The following SLC44A5 variants were observed in gnomAD, a reference collection of about 807,000 sequenced individuals.
SLC44A5 encodes choline transporter-like protein 5.
Under a neutral mutation model 101.8 loss-of-function variants are expected in SLC44A5, and 57 were observed. The observed-to-expected ratio is 0.56, with a 90% CI of 0.45 to 0.70. SLC44A5 has a LOEUF of 0.70. SLC44A5 is among the 30% of genes least tolerant of loss of function. The probability of loss-of-function intolerance (pLI) is 0.00; values close to 1 mark genes in which losing one functional copy is unlikely to be tolerated. For synonymous variants in SLC44A5, 281 were observed against 290.9 expected, an observed-to-expected ratio of 0.97 and a Z score of 0.35; for missense variants, 737 against 853.1, an observed-to-expected ratio of 0.86 and a Z score of 1.70.
chr1:75,671,470 T>A, the SLC44A5 span, among the ~76,000 whole-genome samples: 1 of 152,062 alleles, frequency 6.6e-6, no homozygotes, highest in Non-Finnish European at 1.5e-5. Flanking sequence ...AACCAGTAAG[T>A]AAAATTCATA....
At chr1:75,667,597 C>G in the SLC44A5 span, among the ~76,000 whole-genome samples, 1 of 151,886 alleles carries the variant, frequency 6.6e-6, no homozygotes, top group Non-Finnish European at 1.5e-5. Context: ...TCATATGGAA[C>G]CAGAAAACAA....
intron 2 of SLC44A5, among the ~76,000 whole-genome samples, chr1:75,530,974 G>A (rs1405109100): frequency 6.6e-6 from 1 of 152,164 alleles, no homozygotes; most frequent in East Asian, 1.9e-4. Context: ...GTTAGAAAGT[G>A]TAAGGTGCTT....
the SLC44A5 span, among the ~76,000 whole-genome samples, chr1:75,687,836 T>C: frequency 1.2e-4 from 18 of 152,302 alleles, no homozygotes; most frequent in East Asian, 7.7e-4. Context: ...CAAAGTCCTA[T>C]GGGCATTTGG....
At chr1:75,592,131 C>A (rs1297949336) in intron 1 of SLC44A5, among the ~76,000 whole-genome samples, 1 of 151,976 alleles carries the variant, frequency 6.6e-6, no homozygotes, top group Admixed American at 6.6e-5. Context: ...TTGGATAAAC[C>A]TAAAGACTCT....
chr1:75,376,556 C>T (rs1017240963), intron 3 of SLC44A5, among the ~76,000 whole-genome samples: 5 of 152,268 alleles, frequency 3.3e-5, no homozygotes, highest in Admixed American at 6.5e-5. Flanking sequence ...GGAGGCACCC[C>T]CCAGCAGGGG....
At chr1:75,450,126 G>A (rs533535048) in intron 2 of SLC44A5, among the ~76,000 whole-genome samples, 56 of 152,212 alleles carry the variant, frequency 3.7e-4, no homozygotes, top group African/African-American at 1.3e-3. Context: ...AGGTGAACAC[G>A]AGCAAACTTC....
chr1:75,406,747 A>G (rs1662897599), intron 2 of SLC44A5, among the ~76,000 whole-genome samples: 1 of 152,286 alleles, frequency 6.6e-6, no homozygotes, highest in African/African-American at 2.4e-5. Context: ...CCCACAGGCA[A>G]TATCATACTG....
the SLC44A5 span, among the ~76,000 whole-genome samples, chr1:75,684,824 C>T: frequency 6.6e-6 from 1 of 152,148 alleles, no homozygotes; most frequent in African/African-American, 2.4e-5. Context: ...ATTCCGGAGT[C>T]TGAAGGATGG....
chr1:75,229,934 G>A (rs912326020), intron 12 of SLC44A5, among the ~76,000 whole-genome samples: 1 of 152,112 alleles, frequency 6.6e-6, no homozygotes, highest in African/African-American at 2.4e-5. Flanking sequence ...AAAATTCTCA[G>A]CCAAGAGCTT....
chr1:75,272,335 T>C (rs1444084522), intron 6 of SLC44A5, among the ~76,000 whole-genome samples: 2 of 151,944 alleles, frequency 1.3e-5, no homozygotes, highest in African/African-American at 4.8e-5. Flanking sequence ...ATTTCTTTTT[T>C]TTTTTTTTAG....
At chr1:75,270,091 T>A (rs1651345160) in intron 6 of SLC44A5, among the ~76,000 whole-genome samples, 1 of 152,160 alleles carries the variant, frequency 6.6e-6, no homozygotes, top group African/African-American at 2.4e-5. Flanking sequence ...CGTGGAACTG[T>A]GAGTCCATTA....
chr1:75,271,004 CTT>C (rs1326507104), intron 6 of SLC44A5, among the ~76,000 whole-genome samples: 1 of 152,060 alleles, frequency 6.6e-6, no homozygotes, highest in East Asian at 1.9e-4. Flanking sequence ...TTGGTGCTCT[CTT>C]TGTCCTTCAC....
At chr1:75,677,682 G>A in the SLC44A5 span, 2 of 415,724 alleles carry the variant, frequency 4.8e-6, no homozygotes, top group South Asian at 3.4e-5. Context: ...AAAACGTAGA[G>A]TAACTAAATG....
rs527533998 is a variant in SLC44A5 at position 75,458,399 on chromosome 1, T to C, written c.14-61778A>G. 2.0e-5 allele frequency among the ~76,000 whole-genome samples: 3 copies of C among 152,288 alleles called. No individual in the cohort carries two copies. The South Asian group carries it at 6.2e-4, about 32-fold the overall frequency. On this transcript the variant is annotated intron_variant, in intron 2 of 23. Transcript: ENST00000370859. ...ATCTTGAGCTGTATCCTACAGATAA[T>C]ATAGAATTACTGAAGAGTTTCAATT... is the stretch of plus-strand genomic sequence containing the variant.
intron 2 of SLC44A5, among the ~76,000 whole-genome samples, chr1:75,420,463 C>T (rs1663934903): frequency 6.6e-6 from 1 of 152,114 alleles, no homozygotes; most frequent in Admixed American, 6.6e-5. Context: ...TGAAACCCAA[C>T]TCCACTGATA....
intron 2 of SLC44A5, among the ~76,000 whole-genome samples, chr1:75,500,153 A>G (rs1247780510): frequency 1.3e-5 from 2 of 152,198 alleles, no homozygotes; most frequent in Non-Finnish European, 2.9e-5. Context: ...TATTGCTATT[A>G]TGTGAGCCGG....
intron 2 of SLC44A5, among the ~76,000 whole-genome samples, chr1:75,491,171 G>A (rs567759244): frequency 1.3e-5 from 2 of 152,168 alleles, no homozygotes; most frequent in South Asian, 4.2e-4. Context: ...AGTCTCCTGG[G>A]GCTTCTGGGT....
At chr1:75,354,915 C>A (rs570594407) in intron 3 of SLC44A5, among the ~76,000 whole-genome samples, 90 of 152,236 alleles carry the variant, frequency 5.9e-4, no homozygotes, top group Non-Finnish European at 1.0e-3. Flanking sequence ...GATTCTGACA[C>A]CAATCCAAGG....
chr1:75,367,374 A>G (rs552222678), intron 3 of SLC44A5, among the ~76,000 whole-genome samples: 1 of 152,286 alleles, frequency 6.6e-6, no homozygotes, highest in South Asian at 2.1e-4. Context: ...TGTCTCTGAT[A>G]CCTTGGTCAG....
Sources: gnomAD v4.1 joint callset for allele counts (sites outside exome capture counted in the v4.1 genomes callset) on GRCh38, gnomAD v4.1.1 for gene constraint, MANE v1.5 for transcripts, NCBI Gene and HGNC (gene_info 2026-07-23, HGNC 2026-07-21) for gene names.